Variants in SLC71A1 observed in about 807,000 individuals in gnomAD.
The protein encoded by SLC71A1 is solute carrier family 71 member 1.
the SLC71A1 span, among the ~76,000 whole-genome samples, chr1:100,066,885 A>G: frequency 7.1e-6 from 1 of 141,088 alleles, no homozygotes; most frequent in African/African-American, 2.6e-5. Context: ...GCTATTCGGG[A>G]GGCTGAGGCA....
the SLC71A1 span, among the ~76,000 whole-genome samples, chr1:100,065,698 TTTTCCCTAAGCC>T: frequency 4.2e-5 from 4 of 95,010 alleles, no homozygotes; most frequent in African/African-American, 2.9e-4. Flanking sequence ...TCCTTAAGCC[TTTTCCCTAAGCC>T]TTTTCCCTTT....
chr1:100,067,920 T>A, the SLC71A1 span: 51 of 1,278,398 alleles, frequency 4.0e-5, no homozygotes, highest in Non-Finnish European at 5.7e-5. Context: ...AGGAGTTATG[T>A]GGTGTTGAGG....
chr1:100,068,445 A>T, the SLC71A1 span: 5 of 1,426,148 alleles, frequency 3.5e-6, no homozygotes, highest in Middle Eastern at 3.5e-4. Flanking sequence ...AGAAAACCTT[A>T]TATCAATCAG....
chr1:100,050,365 T>G, the SLC71A1 span, among the ~76,000 whole-genome samples: 1 of 152,170 alleles, frequency 6.6e-6, no homozygotes, highest in Non-Finnish European at 1.5e-5. Flanking sequence ...GCAGCTGTAC[T>G]TTCCAAAAAC....
the SLC71A1 span, among the ~76,000 whole-genome samples, chr1:100,070,644 A>G: frequency 1.3e-5 from 2 of 152,290 alleles, no homozygotes; most frequent in African/African-American, 4.8e-5. Flanking sequence ...CTGTTTAACA[A>G]TAAGAATACT....
At chr1:100,059,361 T>C in the SLC71A1 span, among the ~76,000 whole-genome samples, 1 of 151,548 alleles carries the variant, frequency 6.6e-6, no homozygotes, top group Admixed American at 6.6e-5. Context: ...GGTTTTGCCA[T>C]GTTGGCCAGG....
At chr1:100,056,309 A>T in the SLC71A1 span, among the ~76,000 whole-genome samples, 42 of 152,044 alleles carry the variant, frequency 2.8e-4, no homozygotes, top group African/African-American at 9.2e-4. Context: ...TAACATAATG[A>T]CCTCCAGTTC....
chr1:100,082,121 G>A, the SLC71A1 span: 9 of 1,614,068 alleles, frequency 5.6e-6, no homozygotes, highest in Non-Finnish European at 2.5e-6. Flanking sequence ...AGCAGTTGGA[G>A]AAAGCACTGT....
the SLC71A1 span, among the ~76,000 whole-genome samples, chr1:100,056,875 G>T: frequency 6.6e-6 from 1 of 152,088 alleles, no homozygotes. Context: ...GTTTTTAACT[G>T]GGGTGAGATG....
At chr1:100,048,831 T>TTC in the SLC71A1 span, among the ~76,000 whole-genome samples, 1 of 152,306 alleles carries the variant, frequency 6.6e-6, no homozygotes, top group East Asian at 1.9e-4. Context: ...ATACAAATGT[T>TTC]TCAAGTAAAG....
At chr1:100,066,595 G>A in the SLC71A1 span, among the ~76,000 whole-genome samples, 3 of 152,186 alleles carry the variant, frequency 2.0e-5, no homozygotes, top group Admixed American at 1.3e-4. Context: ...GAAGCCAAAA[G>A]ATTAGACACC....
chr1:100,078,376 A>G, the SLC71A1 span: 1 of 935,780 alleles, frequency 1.1e-6, no homozygotes, highest in East Asian at 2.5e-5. Flanking sequence ...AGTAAGAATT[A>G]CTTAATTATG....
chr1:100,079,334 A>G, the SLC71A1 span: 1 of 151,702 alleles, frequency 6.6e-6, no homozygotes, highest in Non-Finnish European at 1.5e-5. Context: ...TATGTAACAC[A>G]GCAACATCTT....
chr1:100,053,740 G>GAT, the SLC71A1 span, among the ~76,000 whole-genome samples: 2 of 152,066 alleles, frequency 1.3e-5, no homozygotes, highest in Non-Finnish European at 2.9e-5. Flanking sequence ...AGCCCTCATA[G>GAT]AACAGTCAAA....
At chr1:100,066,988 CAAA>C in the SLC71A1 span, among the ~76,000 whole-genome samples, 7 of 69,298 alleles carry the variant, frequency 1.0e-4, no homozygotes, top group Admixed American at 2.0e-4. Flanking sequence ...GACTCCGTCT[CAAA>C]AAAAAAAAAA....
chr1:100,080,692 G>GT, the SLC71A1 span: 1 of 1,585,136 alleles, frequency 6.3e-7, no homozygotes, highest in Non-Finnish European at 8.6e-7. Context: ...AAATTGTATG[G>GT]TTCATTTGGC....
chr1:100,075,172 C>T, the SLC71A1 span, among the ~76,000 whole-genome samples: 48 of 152,342 alleles, frequency 3.2e-4, 1 homozygote, highest in Admixed American at 2.5e-3. Flanking sequence ...TGAAAGAACA[C>T]GTGCTCCAGG....
chr1:100,071,735 A>G, the SLC71A1 span, among the ~76,000 whole-genome samples: 1 of 152,362 alleles, frequency 6.6e-6, no homozygotes, highest in East Asian at 1.9e-4. Context: ...GTATGCATCT[A>G]ATAAATGTAG....
the SLC71A1 span, among the ~76,000 whole-genome samples, chr1:100,049,365 A>C: frequency 7.3e-6 from 1 of 136,790 alleles, no homozygotes; most frequent in African/African-American, 2.7e-5. Context: ...GAATAATCTT[A>C]AAACTTTCAT....
Sources: gnomAD v4.1 joint callset for allele counts (sites outside exome capture counted in the v4.1 genomes callset) on GRCh38, gnomAD v4.1.1 for gene constraint, MANE v1.5 for transcripts, NCBI Gene and HGNC (gene_info 2026-07-23, HGNC 2026-07-21) for gene names.